SYN3: variants seen among roughly 807,000 people sequenced by gnomAD.
SYN3 encodes synapsin-3.
In SYN3, 35 loss-of-function variants were observed where a neutral mutation model predicts 65.8. That is an observed-to-expected ratio of 0.53 (90% CI 0.41 to 0.70). The LOEUF (loss-of-function observed/expected upper bound fraction) is 0.70. SYN3 is among the 30% of genes least tolerant of loss of function. The pLI, the probability that SYN3 is intolerant of heterozygous loss-of-function variation, is 0.00. For missense variants in SYN3, 680 were observed against 749.0 expected, an observed-to-expected ratio of 0.91 and a Z score of 1.08; for synonymous variants, 270 against 292.9, an observed-to-expected ratio of 0.92 and a Z score of 0.80.
chr22:32,706,403 G>A (rs535180370), intron 6 of SYN3, among the ~76,000 whole-genome samples: 157 of 152,318 alleles, frequency 1.0e-3, no homozygotes, highest in Non-Finnish European at 1.9e-3. Context: ...AAGATAATGG[G>A]ATGGCGTATT....
At chr22:32,556,051 T>G (rs1293952527) in intron 7 of SYN3, among the ~76,000 whole-genome samples, 3 of 152,126 alleles carry the variant, frequency 2.0e-5, no homozygotes, top group Non-Finnish European at 4.4e-5. Context: ...GCAAAAACCC[T>G]AAAGCAGAGG....
intron 6 of SYN3, among the ~76,000 whole-genome samples, chr22:32,764,726 C>T (rs2045577819): frequency 6.6e-6 from 1 of 152,212 alleles, no homozygotes. Flanking sequence ...AAACTTACTG[C>T]AAATTCTATC....
intron 7 of SYN3, among the ~76,000 whole-genome samples, chr22:32,587,176 C>T (rs968777073): frequency 2.1e-5 from 3 of 142,678 alleles, no homozygotes; most frequent in Non-Finnish European, 4.6e-5. Context: ...GAGCCGAGAT[C>T]ACACCACTGC....
chr22:33,042,013 CG>C (rs1378961319), intron 1 of SYN3, among the ~76,000 whole-genome samples: 1 of 152,254 alleles, frequency 6.6e-6, no homozygotes, highest in African/African-American at 2.4e-5. Flanking sequence ...CAATCCCTAA[CG>C]TGATGGTATT....
intron 3 of SYN3, among the ~76,000 whole-genome samples, chr22:32,966,245 A>T (rs937901048): frequency 2.0e-5 from 3 of 152,088 alleles, no homozygotes; most frequent in Non-Finnish European, 4.4e-5. Flanking sequence ...AGGGCAGAGG[A>T]AGCAGCACAG....
intron 4 of SYN3, among the ~76,000 whole-genome samples, chr22:32,918,276 G>A (rs889745914): frequency 6.6e-6 from 1 of 152,152 alleles, no homozygotes. Flanking sequence ...AGGGGGAGAC[G>A]GGGGAAGTAA....
intron 6 of SYN3, among the ~76,000 whole-genome samples, chr22:32,775,274 T>A (rs1258733014): frequency 6.6e-6 from 1 of 152,150 alleles, no homozygotes; most frequent in African/African-American, 2.4e-5. Flanking sequence ...GGTCCCACCC[T>A]TCTGACCTTG....
intron 3 of SYN3, among the ~76,000 whole-genome samples, chr22:32,954,777 G>C (rs1227859527): frequency 4.6e-5 from 7 of 152,038 alleles, no homozygotes; most frequent in Admixed American, 3.9e-4. Flanking sequence ...TAATTCTGCA[G>C]ACCATAGTGA....
At chr22:32,796,713 G>T (rs1459613408) in intron 6 of SYN3, among the ~76,000 whole-genome samples, 1 of 152,106 alleles carries the variant, frequency 6.6e-6, no homozygotes, top group Non-Finnish European at 1.5e-5. Context: ...TTGGGGGAAG[G>T]CATCGTGGCT....
In SYN3 at chr22:32,951,177, C is replaced by A. The variant is rs922120838; in HGVS notation, c.370-19696G>T. On this transcript the variant is annotated intron_variant, in intron 3 of 13. Transcript: ENST00000358763. The stretch of plus-strand genomic sequence containing the variant: ...CTTACAAGGTCTCACATGATTTACT[C>A]TGATGCCTCCCCCCATCCCCCTAGT... 5.9e-5 allele frequency among the ~76,000 whole-genome samples: 9 copies of A among 152,180 alleles called. 1 individual carries two copies. Among genetic ancestry groups the A allele is most frequent in the Admixed American group, 5.9e-4 (9 of 15,288 alleles).
chr22:32,812,992 A>G lies in SYN3; in HGVS notation c.711+51923T>C, dbSNP rs144188954. Among the ~76,000 whole-genome samples the G allele has an allele frequency of 6.3e-3, 960 of 152,290 alleles. 12 individuals carry two copies. The highest frequency in any genetic ancestry group is 0.02 in the African/African-American group (842 of 41,550). On this transcript the variant is annotated intron_variant, in intron 6 of 13. Coordinates refer to ENST00000358763, the MANE Select transcript of SYN3 (RefSeq NM_003490.4). ...TGCAGTGGATAAAAAGCTTATACTT[A>G]AGGTGGGAAGGTGGGTGTGGGTTCC...
intron 1 of SYN3, among the ~76,000 whole-genome samples, chr22:33,043,465 T>A (rs1350047379): frequency 6.6e-6 from 1 of 152,086 alleles, no homozygotes; most frequent in Non-Finnish European, 1.5e-5. Context: ...GGAGAATGGC[T>A]TGAACCCGGG....
chr22:33,017,130 TC>T (rs2053480693), intron 1 of SYN3, among the ~76,000 whole-genome samples: 1 of 152,212 alleles, frequency 6.6e-6, no homozygotes, highest in Non-Finnish European at 1.5e-5. Context: ...CCTACGGATA[TC>T]CAATTTTCCC....
chr22:32,954,103 A>AAAACT (rs1312131385), intron 3 of SYN3, among the ~76,000 whole-genome samples: 4 of 32,542 alleles, frequency 1.2e-4, no homozygotes, highest in African/African-American at 6.9e-4. Context: ...CACACCCAAC[A>AAAACT]AAACAAAACA....
At position 32,869,116 on chromosome 22, in the gene SYN3, G is replaced by C; in HGVS notation, c.471C>G (p.Phe157Leu). The C allele has an allele frequency of 6.2e-7, 1 of 1,613,356 alleles. No homozygotes were observed. The highest frequency in any genetic ancestry group is 2.2e-5 in the East Asian group (1 of 44,820). Residue 157 changes from phenylalanine to leucine, a missense_variant, in exon 5 of 14, where the codon TTC becomes TTG. Physicochemically the swap from Phe to Leu is conservative, Grantham distance 22. Transcript: ENST00000358763. ...GGCGGACCAGGATGAAGTCTGGCTT[G>C]AAGGATCTGCTGAGAAAGCCAACAG... ...RNGTKVVSRS[F>L]KPDFILVRQH... is the part of the protein sequence containing the mutation.
intron 4 of SYN3, among the ~76,000 whole-genome samples, chr22:32,894,147 A>G (rs2049525868): frequency 6.6e-6 from 1 of 152,166 alleles, no homozygotes; most frequent in South Asian, 2.1e-4. Flanking sequence ...TCTACGCAAT[A>G]AACTGAGAGC....
chr22:32,827,075 G>A (rs1191355993), intron 6 of SYN3, among the ~76,000 whole-genome samples: 1 of 152,172 alleles, frequency 6.6e-6, no homozygotes, highest in South Asian at 2.1e-4. Context: ...TGACCTCGCA[G>A]GGGCCCACTC....
chr22:32,744,806 T>C (rs1274270844), intron 6 of SYN3, among the ~76,000 whole-genome samples: 1 of 152,108 alleles, frequency 6.6e-6, no homozygotes, highest in Non-Finnish European at 1.5e-5. Flanking sequence ...GTGTGGGCGA[T>C]TGCCCACGCA....
chr22:32,899,298 A>AAC (rs1026207126), intron 4 of SYN3, among the ~76,000 whole-genome samples: 3 of 152,144 alleles, frequency 2.0e-5, no homozygotes, highest in African/African-American at 7.2e-5. Context: ...GGCAATAATG[A>AAC]ACACATATTG....
Sources: gnomAD v4.1 joint callset for allele counts (sites outside exome capture counted in the v4.1 genomes callset) on GRCh38, gnomAD v4.1.1 for gene constraint, MANE v1.5 for transcripts, NCBI Gene and HGNC (gene_info 2026-07-23, HGNC 2026-07-21) for gene names.